The following SLC8A1 variants were observed in gnomAD, a reference collection of about 807,000 sequenced individuals.
SLC8A1 encodes sodium/calcium exchanger 1.
A neutral mutation model predicts 68.3 loss-of-function variants in SLC8A1; 18 were observed. The observed-to-expected ratio is 0.26, with a 90% CI of 0.18 to 0.39. The LOEUF is 0.39. Among genes scored for constraint, SLC8A1 ranks in the 10% least tolerant of loss-of-function variants. The pLI is 1.00. For synonymous variants in SLC8A1, 475 were observed against 415.5 expected (o/e 1.14, Z -1.74); for missense variants, 985 against 1,156.7 (o/e 0.85, Z 2.15).
intron 6 of SLC8A1, among the ~76,000 whole-genome samples, chr2:40,147,163 C>T (rs72935277): frequency 6.6e-6 from 1 of 152,114 alleles, no homozygotes; most frequent in Non-Finnish European, 1.5e-5. Flanking sequence ...TAGCTCCATG[C>T]AAGTTCGATT....
chr2:40,174,084 A>C (rs912393253), intron 4 of SLC8A1, among the ~76,000 whole-genome samples: 2 of 152,160 alleles, frequency 1.3e-5, no homozygotes, highest in Non-Finnish European at 2.9e-5. Context: ...AATATGCTTC[A>C]AGTGGCAGAA....
chr2:40,270,892 T>C (rs1310459167), intron 2 of SLC8A1, among the ~76,000 whole-genome samples: 1 of 152,102 alleles, frequency 6.6e-6, no homozygotes, highest in Non-Finnish European at 1.5e-5. Flanking sequence ...GAGCTGTCTT[T>C]CCAGGACCCT....
At chr2:40,288,117 C>T (rs1020178382) in intron 2 of SLC8A1, among the ~76,000 whole-genome samples, 3 of 152,076 alleles carry the variant, frequency 2.0e-5, no homozygotes, top group Non-Finnish European at 4.4e-5. Context: ...AGGGTCTGTT[C>T]TGGTAATACA....
At chr2:40,388,328 T>C (rs945181135) in intron 2 of SLC8A1, among the ~76,000 whole-genome samples, 9 of 152,166 alleles carry the variant, frequency 5.9e-5, no homozygotes, top group African/African-American at 2.2e-4. Flanking sequence ...TATATAGTTG[T>C]TGTTGCATAA....
At chr2:40,353,876 A>G (rs993682862) in intron 2 of SLC8A1, among the ~76,000 whole-genome samples, 1 of 152,218 alleles carries the variant, frequency 6.6e-6, no homozygotes, top group Non-Finnish European at 1.5e-5. Flanking sequence ...ATTAGAATCT[A>G]CTTCCTCACT....
chr2:40,114,434 G>A (rs2034978535), exon 8 of SLC8A1: 2 of 152,910 alleles, frequency 1.3e-5, no homozygotes, highest in South Asian at 2.1e-4. Flanking sequence ...TGGGGCACCT[G>A]GGGGCTTAGC....
At chr2:40,378,105 TAAAA>T (rs1680517114) in intron 2 of SLC8A1, among the ~76,000 whole-genome samples, 1 of 152,072 alleles carries the variant, frequency 6.6e-6, no homozygotes, top group Non-Finnish European at 1.5e-5. Context: ...ACAGAACAGA[TAAAA>T]ATCTATGCCT....
intron 2 of SLC8A1, among the ~76,000 whole-genome samples, chr2:40,283,862 GAAGA>G (rs2067867875): frequency 6.6e-6 from 1 of 152,128 alleles, no homozygotes; most frequent in Non-Finnish European, 1.5e-5. Context: ...TGATCAGGCA[GAAGA>G]AAAATAAAAA....
At chr2:40,438,458 G>C (rs999152717) in intron 1 of SLC8A1, among the ~76,000 whole-genome samples, 1 of 152,094 alleles carries the variant, frequency 6.6e-6, no homozygotes, top group Admixed American at 6.6e-5. Flanking sequence ...AGCCTCTATG[G>C]AGTAGCTTCT....
chr2:40,335,969 A>G (rs934634859), intron 2 of SLC8A1, among the ~76,000 whole-genome samples: 2 of 152,230 alleles, frequency 1.3e-5, no homozygotes, highest in African/African-American at 4.8e-5. Context: ...GGAGAAAGGA[A>G]AAGTCCATGA....
upstream of SLC8A1, among the ~76,000 whole-genome samples, chr2:40,453,884 C>G (rs936330597): frequency 2.6e-5 from 4 of 152,274 alleles, no homozygotes; most frequent in East Asian, 7.7e-4. Context: ...TGGATACTGG[C>G]TTTGTAGAGG....
chr2:40,352,752 G>A (rs374789500), intron 2 of SLC8A1, among the ~76,000 whole-genome samples: 9 of 152,050 alleles, frequency 5.9e-5, no homozygotes, highest in South Asian at 2.1e-4. Context: ...ATTTTTTTCC[G>A]AACAAGTTGA....
intron 2 of SLC8A1, among the ~76,000 whole-genome samples, chr2:40,200,253 T>TATATATATATAA (rs2054093402): frequency 2.8e-5 from 1 of 35,112 alleles, no homozygotes; most frequent in African/African-American, 6.7e-5. Flanking sequence ...TATATATATA[T>TATATATATATAA]ATATATATAT....
chr2:40,482,709 A>T (rs1410539468), intron 1 of SLC8A1, among the ~76,000 whole-genome samples: 2 of 151,682 alleles, frequency 1.3e-5, no homozygotes, highest in Non-Finnish European at 2.9e-5. Flanking sequence ...ACGTAATGCC[A>T]CTTATAGACA....
chr2:40,407,385 T>C (rs1690708956), intron 2 of SLC8A1, among the ~76,000 whole-genome samples: 1 of 152,206 alleles, frequency 6.6e-6, no homozygotes, highest in African/African-American at 2.4e-5. Context: ...CCTCATGGAC[T>C]GGTTCCTTGT....
chr2:40,105,179 T>A (rs879899921), exon 8 of SLC8A1: 1 of 152,188 alleles, frequency 6.6e-6, no homozygotes, highest in Non-Finnish European at 1.5e-5. Flanking sequence ...TGGAGAATAT[T>A]CCACTGGGAA....
At chr2:40,298,030 C>T (rs1312574502) in intron 2 of SLC8A1, among the ~76,000 whole-genome samples, 1 of 152,102 alleles carries the variant, frequency 6.6e-6, no homozygotes, top group Non-Finnish European at 1.5e-5. Context: ...CAGGTGTGCA[C>T]CACCACTCCT....
At chr2:40,102,706 T>C (rs2033970862) in exon 8 of SLC8A1, 1 of 152,144 alleles carries the variant, frequency 6.6e-6, no homozygotes, top group African/African-American at 2.4e-5. Flanking sequence ...TCTACCAAGA[T>C]TGCTTAAGGC....
intron 2 of SLC8A1, among the ~76,000 whole-genome samples, chr2:40,388,688 G>T (rs1489252959): frequency 6.6e-6 from 1 of 152,050 alleles, no homozygotes; most frequent in East Asian, 1.9e-4. Context: ...CAGAAGCTTG[G>T]ACCAAATCAA....
Sources: allele counts gnomAD v4.1 joint callset (sites outside exome capture counted in the v4.1 genomes callset), GRCh38; gene constraint gnomAD v4.1.1; transcripts MANE v1.5; gene names NCBI Gene and HGNC (gene_info 2026-07-23, HGNC 2026-07-21).